Variants in ORAI2 observed in about 807,000 individuals in gnomAD.
The protein encoded by ORAI2 is ORAI calcium release-activated calcium modulator 2, also known as protein orai-2.
Under a neutral mutation model 16.2 loss-of-function variants are expected in ORAI2, and 10 were observed. The ratio of observed to expected loss-of-function variants is 0.62; its 90% CI spans 0.38 to 1.04. ORAI2 has a LOEUF of 1.04. ORAI2 is among the 50% of genes least tolerant of loss of function. ORAI2 has a pLI of 0.01. For missense variants in ORAI2, 238 were observed against 355.5 expected (o/e 0.67, Z 2.66); for synonymous variants, 150 against 157.5 (o/e 0.95, Z 0.35).
intron 1 of ORAI2, among the ~76,000 whole-genome samples, chr7:102,435,139 C>T (rs1258277429): frequency 1.3e-5 from 2 of 152,142 alleles, no homozygotes; most frequent in African/African-American, 4.8e-5. Flanking sequence ...GGTATGGTGG[C>T]ACACACATGT....
chr7:102,439,013 C>T lies in ORAI2; in HGVS notation c.57C>T (p.Pro19=), dbSNP rs145552154. Residue 19 remains proline, a synonymous_variant, in exon 3 of 4, where the codon CCC becomes CCT. Coordinates refer to ENST00000495936, the MANE Select transcript of ORAI2 (RefSeq NM_001126340.3). The stretch of plus-strand genomic sequence containing the variant: ...CCTCTGCTCCTGCCTGCCCTGAGCC[C>T]GGCCATAAGGGCATGGATTACCGGG... The part of the protein sequence containing the change: ...IDPSAPACPE[P]GHKGMDYRDW... 28 of 1,614,020 alleles carry T rather than the reference C, an allele frequency of 1.7e-5. No homozygotes were observed. The highest frequency in any genetic ancestry group is 4.4e-5 in the South Asian group (4 of 91,086).
chr7:102,445,847 CTT>C (rs1797340672), intron 3 of ORAI2, among the ~76,000 whole-genome samples: 2 of 151,444 alleles, frequency 1.3e-5, no homozygotes, highest in African/African-American at 4.9e-5. Flanking sequence ...TCTTTCTTTT[CTT>C]TCTTTTCCTT....
At position 102,454,700 on chromosome 7, in the gene ORAI2, C is replaced by G. The variant is rs1450444636; in HGVS notation, c.*7648C>G. ...AGCCGCCCTTGGAGCGGGCACTTCC[C>G]TATTTGGGCGTGTCCCAGTCCCATG... On this transcript the variant is annotated 3_prime_UTR_variant, in exon 4 of 4. Transcript: ENST00000495936. 4 of 152,292 alleles carry G rather than the reference C, an allele frequency of 2.6e-5. No individual in the cohort carries two copies. Among genetic ancestry groups the G allele is most frequent in the Non-Finnish European group, 5.9e-5 (4 of 68,072 alleles). The allele number at this position is 152,292 out of a possible 1,614,324, so 9.4% of individuals were successfully genotyped here.
Position 102,433,897 on chromosome 7 carries a change from G to A in ORAI2, c.-123+236G>A, listed in dbSNP as rs776993546. ...TCCGGACACCGGGGCGTCCCTGGGG[G>A]AGGGACAGGGATGCAGCCTAGCGCC... On this transcript the variant is annotated intron_variant, in intron 1 of 3. Coordinates refer to ENST00000495936, the MANE Select transcript of ORAI2 (RefSeq NM_001126340.3). This position sits in a 1 kb window ranked among gnomAD's most constrained non-coding sequence, Gnocchi z 4.6. 6.6e-6 allele frequency among the ~76,000 whole-genome samples: 1 copy of A among 151,948 alleles called. No individual in the cohort carries two copies. Among genetic ancestry groups the A allele is most frequent in the Admixed American group, 6.5e-5 (1 of 15,276 alleles).
chr7:102,442,485 G>A (rs1012211806), intron 3 of ORAI2, among the ~76,000 whole-genome samples: 1 of 152,062 alleles, frequency 6.6e-6, no homozygotes, highest in African/African-American at 2.4e-5. Flanking sequence ...TCAGGAAATG[G>A]AGACCATCCT....
At position 102,451,278 on chromosome 7, in the gene ORAI2, A is replaced by G. The variant is rs1315114491; in HGVS notation, c.*4226A>G. Reference sequence around the variant, plus strand: ...GCCAGGGCCCATCCTAATTTGGAGCACAGTCTTCCTGGTGCCTAGACATGC... The same window carrying G: ...GCCAGGGCCCATCCTAATTTGGAGCGCAGTCTTCCTGGTGCCTAGACATGC... On this transcript the variant is annotated 3_prime_UTR_variant, in exon 4 of 4. Transcript: ENST00000495936. 1.3e-5 allele frequency: 2 copies of G among 151,564 alleles called. No individual in the cohort carries two copies. Among genetic ancestry groups the G allele is most frequent in the Non-Finnish European group, 2.9e-5 (2 of 68,002 alleles). 9.4% of individuals were successfully genotyped at this position (151,564 alleles called of 1,614,324 possible).
In ORAI2 at chr7:102,454,451, G is replaced by C. The variant is rs965939276; in HGVS notation, c.*7399G>C. On this transcript the variant is annotated 3_prime_UTR_variant, in exon 4 of 4. Coordinates refer to ENST00000495936, the MANE Select transcript of ORAI2 (RefSeq NM_001126340.3). ...CCACCCATGGGTACTGTGGGATGGG[G>C]GACAGGCTGGCTTAACACAAATCGA... 1.3e-5 allele frequency: 2 copies of C among 153,762 alleles called. No homozygotes were observed. The highest frequency in any genetic ancestry group is 4.8e-5 in the African/African-American group (2 of 41,454). 9.5% of individuals were successfully genotyped at this position (153,762 alleles called of 1,614,324 possible).
At position 102,456,559 on chromosome 7, in the gene ORAI2, A is replaced by G. The variant is rs1046923430; in HGVS notation, c.*9507A>G. 1 of 151,896 alleles carries G rather than the reference A, an allele frequency of 6.6e-6. No individual in the cohort carries two copies. The highest frequency in any genetic ancestry group is 2.4e-5 in the African/African-American group (1 of 41,338). The allele number at this position is 151,896 out of a possible 1,614,324, so 9.4% of individuals were successfully genotyped here. A position where few individuals can be genotyped will look rare whatever the true frequency, so the allele number is the denominator to read the frequency against. ...CTGGCCGGGAGCTTTAATTTTTCCT[A>G]CTTGTTAACAGCGTTATGGGGCTGG... On this transcript the variant is annotated 3_prime_UTR_variant, in exon 4 of 4. Coordinates refer to ENST00000495936, the MANE Select transcript of ORAI2 (RefSeq NM_001126340.3).
chr7:102,438,872 T>C, intron 2 of ORAI2, 72 bp from the exon 3 acceptor site: 1 of 1,446,720 alleles, frequency 6.9e-7, no homozygotes, highest in East Asian at 2.3e-5. Flanking sequence ...GTAGGTTGAA[T>C]GGGCTTGGAG....
At chr7:102,444,506 GC>G (rs1157773314) in intron 3 of ORAI2, among the ~76,000 whole-genome samples, 2 of 44,250 alleles carry the variant, frequency 4.5e-5, no homozygotes, top group African/African-American at 1.7e-4. Context: ...GCCCCCCCCC[GC>G]CCCCCACCCT....
At position 102,449,676 on chromosome 7, in the gene ORAI2, CAGCCTGGACAACAG is replaced by C. The variant is rs2133238810; in HGVS notation, c.*2628_*2641del. On this transcript the variant is annotated 3_prime_UTR_variant, in exon 4 of 4. Transcript: ENST00000495936. ...GAGCTGAGATCGTGCCACTGCACTC[CAGCCTGGACAACAG>C]AGCAAAACTCTGTCTCAAAAAATAA... The C allele has an allele frequency of 6.6e-6, 1 of 152,252 alleles. No individual in the cohort carries two copies. Among genetic ancestry groups the C allele is most frequent in the East Asian group, 1.9e-4 (1 of 5,180 alleles). The allele number at this position is 152,252 out of a possible 1,614,324, so 9.4% of individuals were successfully genotyped here.
At chr7:102,441,381 A>G (rs1392519034) in intron 3 of ORAI2, among the ~76,000 whole-genome samples, 2 of 151,266 alleles carry the variant, frequency 1.3e-5, no homozygotes. Flanking sequence ...CTCTACTAAA[A>G]ATACAAAAAT....
intron 2 of ORAI2, 85 bp downstream of exon 2, chr7:102,436,418 G>A (rs1797060129): frequency 1.2e-6 from 1 of 851,188 alleles, no homozygotes. Context: ...TTGTAGCCTT[G>A]TTGAGAACAA....
At position 102,452,601 on chromosome 7, in the gene ORAI2, A is replaced by G. The variant is rs1797554682; in HGVS notation, c.*5549A>G. On this transcript the variant is annotated 3_prime_UTR_variant, in exon 4 of 4. Transcript: ENST00000495936. Reference sequence around the variant, plus strand: ...TGGGAGACTACGGGCGCACACTACCATGCCCAGCTAATGTTTTTTTTGTAG... The same window carrying G: ...TGGGAGACTACGGGCGCACACTACCGTGCCCAGCTAATGTTTTTTTTGTAG... 6.6e-6 allele frequency: 1 copy of G among 151,592 alleles called. No individual in the cohort carries two copies. The highest frequency in any genetic ancestry group is 1.5e-5 in the Non-Finnish European group (1 of 68,014). The allele number at this position is 151,592 out of a possible 1,614,324, so 9.4% of individuals were successfully genotyped here. A position where few individuals can be genotyped will look rare whatever the true frequency, so the allele number is the denominator to read the frequency against.
chr7:102,441,803 C>G (rs973344377), intron 3 of ORAI2, among the ~76,000 whole-genome samples: 2 of 151,990 alleles, frequency 1.3e-5, no homozygotes, highest in Non-Finnish European at 2.9e-5. Flanking sequence ...TTGGGGGAGC[C>G]GCAGTGCACC....
intron 3 of ORAI2, among the ~76,000 whole-genome samples, chr7:102,443,058 T>G (rs1291006573): frequency 2.0e-5 from 3 of 150,452 alleles, no homozygotes; most frequent in South Asian, 2.1e-4. Flanking sequence ...TAAAAAATGC[T>G]GCATAAACAC....
Position 102,436,622 on chromosome 7 carries a change from C to T in ORAI2, c.-14+289C>T, listed in dbSNP as rs143780947. Among the ~76,000 whole-genome samples, 608 of 152,320 alleles carry T rather than the reference C, an allele frequency of 4.0e-3. 3 individuals carry two copies. Among genetic ancestry groups the T allele is most frequent in the Middle Eastern group, 0.037 (11 of 294 alleles). ...CCACGCTCCCTGGGACCTAGAAACACGGATCTGTGTGTAACAGCCTGACAT... is the reference window on the plus strand; with the variant it reads ...CCACGCTCCCTGGGACCTAGAAACATGGATCTGTGTGTAACAGCCTGACAT... On this transcript the variant is annotated intron_variant, in intron 2 of 3. Transcript: ENST00000495936.
chr7:102,441,182 C>T (rs1185533288), intron 3 of ORAI2, among the ~76,000 whole-genome samples: 4 of 151,778 alleles, frequency 2.6e-5, no homozygotes, highest in African/African-American at 7.2e-5. Flanking sequence ...CAGGAGCCAC[C>T]GTGCCCAGCC....
chr7:102,447,203 C>T lies in ORAI2; in HGVS notation c.*151C>T, dbSNP rs890320982. The stretch of plus-strand genomic sequence containing the variant: ...ATACCATAAGGACTGGATGACTTCT[C>T]CTGAGATAGAACCGTTTGGTTCAAT... On this transcript the variant is annotated 3_prime_UTR_variant, in exon 4 of 4. Coordinates refer to ENST00000495936, the MANE Select transcript of ORAI2 (RefSeq NM_001126340.3). 3.1e-5 allele frequency: 27 copies of T among 862,420 alleles called. No homozygotes were observed. Among genetic ancestry groups the T allele is most frequent in the Admixed American group, 5.9e-5 (2 of 33,938 alleles). 53.4% of individuals were successfully genotyped at this position (862,420 alleles called of 1,614,324 possible).
Sources: allele counts gnomAD v4.1 joint callset (sites outside exome capture counted in the v4.1 genomes callset), GRCh38; gene constraint gnomAD v4.1.1; non-coding constraint Gnocchi (gnomAD v3.1); transcripts MANE v1.5; gene names NCBI Gene and HGNC (gene_info 2026-07-23, HGNC 2026-07-21).